KCNIP4: variants seen among roughly 807,000 people sequenced by gnomAD.
KCNIP4 encodes the protein potassium voltage-gated channel interacting protein 4.
KCNIP4 carries 12 observed loss-of-function variants against 34.0 expected under a neutral mutation model. The observed-to-expected ratio is 0.35, with a 90% CI of 0.23 to 0.57. KCNIP4 has a LOEUF of 0.57. KCNIP4 is among the 20% of genes least tolerant of loss of function. The pLI, the probability that KCNIP4 is intolerant of heterozygous loss-of-function variation, is 0.83. For missense variants in KCNIP4, 238 were observed against 311.7 expected (o/e 0.76, Z 1.78); for synonymous variants, 124 against 102.2 (o/e 1.21, Z -1.29).
chr4:21,186,446 G>A (rs753187412), intron 1 of KCNIP4, among the ~76,000 whole-genome samples: 2 of 152,126 alleles, frequency 1.3e-5, no homozygotes, highest in Non-Finnish European at 2.9e-5. Context: ...TGGAATAAGG[G>A]AAAGAGAGTG....
chr4:21,685,027 A>G (rs2109030935), intron 1 of KCNIP4, among the ~76,000 whole-genome samples: 1 of 152,324 alleles, frequency 6.6e-6, no homozygotes, highest in African/African-American at 2.4e-5. Flanking sequence ...TTTGGGTAGG[A>G]AATATCTTTT....
intron 2 of KCNIP4, among the ~76,000 whole-genome samples, chr4:20,854,307 G>A (rs1325069748): frequency 1.3e-5 from 2 of 152,136 alleles, no homozygotes; most frequent in Non-Finnish European, 2.9e-5. Context: ...ATACTACTCA[G>A]CCACAAAAAG....
intron 1 of KCNIP4, among the ~76,000 whole-genome samples, chr4:21,513,477 G>T (rs1218279733): frequency 6.6e-6 from 1 of 152,154 alleles, no homozygotes; most frequent in East Asian, 1.9e-4. Context: ...AATACACTAT[G>T]CATCCTTTAT....
chr4:21,069,445 A>G (rs1744700171), intron 1 of KCNIP4, among the ~76,000 whole-genome samples: 1 of 152,218 alleles, frequency 6.6e-6, no homozygotes, highest in Non-Finnish European at 1.5e-5. Context: ...CTAAAAATCT[A>G]AGCTACTTAA....
intron 1 of KCNIP4, among the ~76,000 whole-genome samples, chr4:21,793,280 C>T (rs1419881623): frequency 6.6e-6 from 1 of 152,102 alleles, no homozygotes; most frequent in Non-Finnish European, 1.5e-5. Context: ...GATGGAGTCT[C>T]GCTCTGTCAC....
intron 1 of KCNIP4, among the ~76,000 whole-genome samples, chr4:21,263,539 T>C (rs2109111538): frequency 6.6e-6 from 1 of 152,346 alleles, no homozygotes; most frequent in African/African-American, 2.4e-5. Context: ...TTATGACTTA[T>C]TTGAGCCACT....
intron 1 of KCNIP4, among the ~76,000 whole-genome samples, chr4:20,974,709 G>T (rs1735311576): frequency 6.6e-6 from 1 of 152,240 alleles, no homozygotes; most frequent in African/African-American, 2.4e-5. Flanking sequence ...CTACATAGAC[G>T]TGAGGCCCAG....
intron 1 of KCNIP4, among the ~76,000 whole-genome samples, chr4:21,486,382 A>G (rs552552147): frequency 4.4e-4 from 67 of 152,268 alleles, no homozygotes; most frequent in African/African-American, 1.4e-3. Flanking sequence ...TAAAAGCTGA[A>G]TTTGTAAATA....
At chr4:21,760,873 A>G (rs1380080690) in intron 1 of KCNIP4, among the ~76,000 whole-genome samples, 1 of 152,144 alleles carries the variant, frequency 6.6e-6, no homozygotes, top group Non-Finnish European at 1.5e-5. Context: ...AATGACCAAA[A>G]CATATCTTAA....
At chr4:21,476,178 A>G (rs1730950718) in intron 1 of KCNIP4, among the ~76,000 whole-genome samples, 1 of 152,196 alleles carries the variant, frequency 6.6e-6, no homozygotes, top group Admixed American at 6.6e-5. Context: ...TGCATTTTAT[A>G]TAGGTAAAGC....
intron 1 of KCNIP4, among the ~76,000 whole-genome samples, chr4:20,975,551 T>C (rs1735399441): frequency 6.6e-6 from 1 of 152,176 alleles, no homozygotes; most frequent in South Asian, 2.1e-4. Flanking sequence ...AGTCATTTTA[T>C]TGAAAAAACG....
intron 1 of KCNIP4, among the ~76,000 whole-genome samples, chr4:21,196,218 G>A (rs979084395): frequency 1.3e-5 from 2 of 152,106 alleles, no homozygotes; most frequent in East Asian, 1.9e-4. Context: ...TTTCCTTCCT[G>A]GGATGGCAAT....
At chr4:20,838,669 T>C (rs1719351536) in intron 3 of KCNIP4, among the ~76,000 whole-genome samples, 1 of 152,122 alleles carries the variant, frequency 6.6e-6, no homozygotes, top group Admixed American at 6.6e-5. Flanking sequence ...ACCCAGTTTA[T>C]AGGATATAGA....
intron 1 of KCNIP4, among the ~76,000 whole-genome samples, chr4:21,826,372 G>T (rs1310984374): frequency 2.0e-5 from 3 of 152,066 alleles, no homozygotes; most frequent in Non-Finnish European, 4.4e-5. Flanking sequence ...ATTTTGAAAG[G>T]CAGGATATTT....
chr4:20,761,666 T>G (rs1490125593), intron 3 of KCNIP4, among the ~76,000 whole-genome samples: 1 of 152,186 alleles, frequency 6.6e-6, no homozygotes, highest in Non-Finnish European at 1.5e-5. Context: ...CAAAGGGACC[T>G]CTGCATCAAC....
chr4:21,560,365 C>A (rs749364363), intron 1 of KCNIP4, among the ~76,000 whole-genome samples: 2 of 151,964 alleles, frequency 1.3e-5, no homozygotes, highest in Non-Finnish European at 2.9e-5. Context: ...TGCAATTGAG[C>A]CTTATTAAAA....
At chr4:21,443,666 C>T (rs1380683776) in intron 1 of KCNIP4, among the ~76,000 whole-genome samples, 1 of 152,192 alleles carries the variant, frequency 6.6e-6, no homozygotes, top group Admixed American at 6.5e-5. Context: ...GAACATTAAC[C>T]AGGCTCTTGT....
At chr4:21,837,532 C>CAAAAAAAAAAAAAAAAAGAAAAA (rs60449238) in intron 1 of KCNIP4, among the ~76,000 whole-genome samples, 1 of 78,554 alleles carries the variant, frequency 1.3e-5, no homozygotes, top group Non-Finnish European at 2.2e-5. Context: ...AAAACGCTGT[C>CAAAAAAAAAAAAAAAAAGAAAAA]AAAAAAAAAA....
intron 1 of KCNIP4, among the ~76,000 whole-genome samples, chr4:21,216,599 G>C (rs1465162783): frequency 1.3e-5 from 2 of 152,104 alleles, no homozygotes; most frequent in East Asian, 1.9e-4. Context: ...AGAATAGTTA[G>C]GTAACTTGTT....
Sources: allele counts gnomAD v4.1 joint callset (sites outside exome capture counted in the v4.1 genomes callset), GRCh38; gene constraint gnomAD v4.1.1; transcripts MANE v1.5; gene names NCBI Gene and HGNC (gene_info 2026-07-23, HGNC 2026-07-21).